SLC4A4: variants seen among roughly 807,000 people sequenced by gnomAD.
The protein encoded by SLC4A4 is solute carrier family 4 member 4.
A neutral mutation model predicts 111.5 loss-of-function variants in SLC4A4; 27 were observed. The observed-to-expected ratio is 0.24, with a 90% CI of 0.18 to 0.33. SLC4A4 has a LOEUF of 0.33. Among genes scored for constraint, SLC4A4 ranks in the 10% least tolerant of loss-of-function variants. SLC4A4 has a pLI of 1.00. For synonymous variants in SLC4A4, 443 were observed against 463.4 expected (o/e 0.96, Z 0.57); for missense variants, 909 against 1,315.5 (o/e 0.69, Z 4.78).
At chr4:71,274,870 T>A (rs1560837069) in intron 3 of SLC4A4, among the ~76,000 whole-genome samples, 1 of 152,172 alleles carries the variant, frequency 6.6e-6, no homozygotes, top group Non-Finnish European at 1.5e-5. Context: ...GATAAATTAG[T>A]CAGTGAAAAA....
At chr4:71,103,169 A>T (rs1489318760) in intron 2 of SLC4A4, among the ~76,000 whole-genome samples, 1 of 151,692 alleles carries the variant, frequency 6.6e-6, no homozygotes, top group Non-Finnish European at 1.5e-5. Context: ...CAAAAGAGAC[A>T]AAGAAGGCCA....
intron 16 of SLC4A4, among the ~76,000 whole-genome samples, chr4:71,506,249 G>A (rs942372331): frequency 2.0e-5 from 3 of 152,138 alleles, no homozygotes; most frequent in Non-Finnish European, 4.4e-5. Context: ...ACCTGGAATA[G>A]CATTAGATCT....
At chr4:71,224,634 A>G (rs141134063) in intron 1 of SLC4A4, among the ~76,000 whole-genome samples, 2 of 152,244 alleles carry the variant, frequency 1.3e-5, no homozygotes, top group Non-Finnish European at 2.9e-5. Flanking sequence ...GTGTTTGCTA[A>G]ATAAAAATAA....
chr4:71,261,277 T>A (rs1721836212), intron 3 of SLC4A4, among the ~76,000 whole-genome samples: 1 of 152,214 alleles, frequency 6.6e-6, no homozygotes, highest in Non-Finnish European at 1.5e-5. Context: ...AGCAAGTGGC[T>A]TGGTGTACCA....
At chr4:71,544,386 T>A (rs1735320945) in intron 18 of SLC4A4, among the ~76,000 whole-genome samples, 1 of 151,802 alleles carries the variant, frequency 6.6e-6, no homozygotes. Flanking sequence ...ATATGAGGCA[T>A]TGCAGGTGGT....
chr4:71,175,817 T>C (rs1560759559), intron 2 of SLC4A4, among the ~76,000 whole-genome samples: 1 of 152,130 alleles, frequency 6.6e-6, no homozygotes, highest in African/African-American at 2.4e-5. Context: ...TTCTGACAGC[T>C]TTGAAGAGAG....
chr4:71,387,158 A>G (rs987495039), intron 6 of SLC4A4, among the ~76,000 whole-genome samples: 3 of 152,128 alleles, frequency 2.0e-5, no homozygotes, highest in Non-Finnish European at 2.9e-5. Context: ...GGCAGATTCC[A>G]ATGTGAGTTT....
At chr4:71,566,888 A>T (rs1737518464) in intron 24 of SLC4A4, 116 bp from the exon 25 acceptor site, 1 of 746,394 alleles carries the variant, frequency 1.3e-6, no homozygotes. Flanking sequence ...GAAATGCCTA[A>T]ACTTGTCTTT....
At chr4:71,097,934 C>A (rs1218140812) in intron 2 of SLC4A4, among the ~76,000 whole-genome samples, 1 of 152,018 alleles carries the variant, frequency 6.6e-6, no homozygotes, top group Non-Finnish European at 1.5e-5. Context: ...TTGTCAGATG[C>A]ATAGTTTGCA....
At chr4:71,284,120 A>G (rs1394112072) in intron 3 of SLC4A4, among the ~76,000 whole-genome samples, 10 of 152,336 alleles carry the variant, frequency 6.6e-5, no homozygotes, top group African/African-American at 1.9e-4. Flanking sequence ...TATATTTCCC[A>G]GAATGGAAAT....
intron 2 of SLC4A4, among the ~76,000 whole-genome samples, chr4:71,250,137 T>C (rs1034438377): frequency 1.3e-5 from 1 of 75,396 alleles, no homozygotes; most frequent in South Asian, 3.1e-4. Flanking sequence ...ATTTTTCTTT[T>C]CTTAATAAAA....
At chr4:71,168,417 A>G (rs1378873503) in intron 2 of SLC4A4, among the ~76,000 whole-genome samples, 1 of 152,072 alleles carries the variant, frequency 6.6e-6, no homozygotes, top group Admixed American at 6.5e-5. Context: ...TCCTGACCTC[A>G]GATGATCTGC....
At chr4:71,343,875 T>C (rs1427483803) in intron 4 of SLC4A4, among the ~76,000 whole-genome samples, 1 of 152,178 alleles carries the variant, frequency 6.6e-6, no homozygotes, top group African/African-American at 2.4e-5. Flanking sequence ...GTCAGGAACT[T>C]TGGACTTGTT....
intron 3 of SLC4A4, among the ~76,000 whole-genome samples, chr4:71,332,169 T>G (rs1464970817): frequency 6.6e-6 from 1 of 152,150 alleles, no homozygotes; most frequent in Non-Finnish European, 1.5e-5. Context: ...ATTTCATTTA[T>G]TCATGCTTTG....
intron 3 of SLC4A4, among the ~76,000 whole-genome samples, chr4:71,305,492 T>C (rs1459455651): frequency 6.6e-6 from 1 of 152,202 alleles, no homozygotes; most frequent in African/African-American, 2.4e-5. Context: ...AATGTGAGCA[T>C]TTTTTTCATA....
intron 2 of SLC4A4, among the ~76,000 whole-genome samples, chr4:71,150,415 C>A (rs927113282): frequency 3.9e-5 from 6 of 152,008 alleles, no homozygotes; most frequent in Non-Finnish European, 8.8e-5. Context: ...TTGGTTTCAG[C>A]CAGAAATAGT....
In SLC4A4 at chr4:71,343,205, A is replaced by G. The variant is rs991564295; in HGVS notation, c.389+3700A>G. 2.0e-5 allele frequency among the ~76,000 whole-genome samples: 3 copies of G among 152,190 alleles called. No homozygotes were observed. In the East Asian group the frequency reaches 5.8e-4, roughly 29 times the overall value. ...CCTTCGACACAACTGTTCTGAATAT[A>G]ATACTTTCTTAGAAATATTAATTGA... On this transcript the variant is annotated intron_variant, in intron 4 of 25. Coordinates refer to ENST00000264485, the MANE Select transcript of SLC4A4 (RefSeq NM_001098484.3).
chr4:71,564,671 G>A (rs1737306043), intron 24 of SLC4A4, among the ~76,000 whole-genome samples: 1 of 151,834 alleles, frequency 6.6e-6, no homozygotes, highest in Non-Finnish European at 1.5e-5. Flanking sequence ...AGATTCAGAT[G>A]CACTTCAGAG....
chr4:71,275,328 G>A (rs1251510023), intron 3 of SLC4A4, among the ~76,000 whole-genome samples: 6 of 152,112 alleles, frequency 3.9e-5, no homozygotes. Flanking sequence ...ACTTTGTCTT[G>A]AGCAAAGGAT....
Sources: allele counts gnomAD v4.1 joint callset (sites outside exome capture counted in the v4.1 genomes callset), GRCh38; gene constraint gnomAD v4.1.1; transcripts MANE v1.5; gene names NCBI Gene and HGNC (gene_info 2026-07-23, HGNC 2026-07-21).